Variants in MAGI2 observed in about 807,000 individuals in gnomAD.
The protein encoded by MAGI2 is membrane-associated guanylate kinase, WW and PDZ domain-containing protein 2.
A neutral mutation model predicts 133.3 loss-of-function variants in MAGI2; 35 were observed. The observed-to-expected ratio is 0.26, with a 90% CI of 0.20 to 0.35. The LOEUF (loss-of-function observed/expected upper bound fraction) is 0.35, where lower values mean the gene tolerates loss of function less well. MAGI2 is among the 10% of genes least tolerant of loss of function. The probability of loss-of-function intolerance (pLI) is 1.00; values close to 1 mark genes in which losing one functional copy is unlikely to be tolerated. For synonymous variants in MAGI2, 729 were observed against 710.6 expected, an observed-to-expected ratio of 1.03 and a Z score of -0.41; for missense variants, 1,636 against 1,863.4, an observed-to-expected ratio of 0.88 and a Z score of 2.25.
At chr7:79,259,106 C>A (rs146568922) in intron 1 of MAGI2, among the ~76,000 whole-genome samples, 1 of 152,296 alleles carries the variant, frequency 6.6e-6, no homozygotes, top group East Asian at 1.9e-4. Context: ...GACCACAGAC[C>A]AAACTTTGAA....
intron 21 of MAGI2, among the ~76,000 whole-genome samples, chr7:78,056,615 G>C (rs1812597232): frequency 6.6e-6 from 1 of 152,066 alleles, no homozygotes; most frequent in South Asian, 2.1e-4. Flanking sequence ...GAGCTGAATG[G>C]TGAGAACACA....
intron 1 of MAGI2, among the ~76,000 whole-genome samples, chr7:79,319,351 G>A (rs1838996943): frequency 6.6e-6 from 1 of 152,104 alleles, no homozygotes; most frequent in Admixed American, 6.6e-5. Context: ...TGCTTTTCAT[G>A]CTAATTGTCT....
intron 1 of MAGI2, among the ~76,000 whole-genome samples, chr7:79,174,818 A>T (rs1825948673): frequency 6.6e-6 from 1 of 151,994 alleles, no homozygotes; most frequent in South Asian, 2.1e-4. Context: ...ACAACAAAAA[A>T]GTAAATAATT....
chr7:79,364,835 C>T (rs1478659166), intron 1 of MAGI2, among the ~76,000 whole-genome samples: 2 of 151,448 alleles, frequency 1.3e-5, no homozygotes, highest in African/African-American at 4.8e-5. Context: ...GGAGAAAATC[C>T]TTGGGCAAAG....
At chr7:78,835,172 G>T (rs1258869723) in intron 2 of MAGI2, among the ~76,000 whole-genome samples, 1 of 152,098 alleles carries the variant, frequency 6.6e-6, no homozygotes, top group African/African-American at 2.4e-5. Flanking sequence ...TTCCAAAATG[G>T]CTGTGCCATT....
rs534733431 is a variant in MAGI2, at chr7:78,091,312, C to T, written c.3568-12227G>A. 5.3e-5 allele frequency among the ~76,000 whole-genome samples: 8 copies of T among 152,168 alleles called. No homozygotes were observed. The South Asian group carries it at 8.3e-4, about 16-fold the overall frequency. On this transcript the variant is annotated intron_variant, in intron 20 of 21. Transcript: ENST00000354212. ...TGAATGCTGCTATTAAAAGGGCTTG[C>T]GGGAGTGGGTTTGTCCTCTCTTGCC...
chr7:78,767,353 T>C (rs1825137700), intron 2 of MAGI2, among the ~76,000 whole-genome samples: 1 of 152,132 alleles, frequency 6.6e-6, no homozygotes, highest in African/African-American at 2.4e-5. Flanking sequence ...CACACTTTTT[T>C]TTTTTTTTAC....
intron 2 of MAGI2, among the ~76,000 whole-genome samples, chr7:78,956,702 A>G (rs1802407350): frequency 1.3e-5 from 2 of 152,194 alleles, no homozygotes; most frequent in African/African-American, 4.8e-5. Context: ...TAAAACAAAG[A>G]GCAGGGCATA....
intron 9 of MAGI2, among the ~76,000 whole-genome samples, chr7:78,318,384 A>G (rs1440182602): frequency 6.6e-6 from 1 of 152,196 alleles, no homozygotes; most frequent in Non-Finnish European, 1.5e-5. Flanking sequence ...GAGATTGAAG[A>G]GCAACTCAAT....
rs183422541 is a variant in MAGI2, at chr7:79,135,210, G to C, written c.302-128004C>G. Among the ~76,000 whole-genome samples, 421 of 124,350 alleles carry C rather than the reference G, an allele frequency of 3.4e-3. 1 individual carries two copies. The highest frequency in any genetic ancestry group is 5.7e-3 in the Non-Finnish European group (304 of 53,088). The allele number at this position is 124,350 out of a possible 152,430, so 81.6% of individuals were successfully genotyped here. A position where few individuals can be genotyped will look rare whatever the true frequency, so the allele number is the denominator to read the frequency against. ...CACAATTTTAGGTAAAGTTGAGTGA[G>C]ATAGTAAAAACTGTAGGAAAAAAAA... On this transcript the variant is annotated intron_variant, in intron 1 of 21. Transcript: ENST00000354212.
At chr7:79,055,026 C>G (rs367644178) in intron 1 of MAGI2, among the ~76,000 whole-genome samples, 1 of 152,082 alleles carries the variant, frequency 6.6e-6, no homozygotes, top group Non-Finnish European at 1.5e-5. Context: ...CTCCTGACCT[C>G]GAGGTGATCC....
chr7:79,003,295 G>A (rs1260255239), intron 2 of MAGI2, among the ~76,000 whole-genome samples: 2 of 152,152 alleles, frequency 1.3e-5, no homozygotes, highest in African/African-American at 4.8e-5. Flanking sequence ...TTTCCTTCCA[G>A]ATGTAGTTGG....
At chr7:78,609,228 C>A (rs1806160577) in intron 3 of MAGI2, among the ~76,000 whole-genome samples, 1 of 152,148 alleles carries the variant, frequency 6.6e-6, no homozygotes, top group African/African-American at 2.4e-5. Flanking sequence ...CACCCAGGAT[C>A]AATGCTTTGC....
chr7:78,185,614 C>T lies in MAGI2; in HGVS notation c.2311+15G>A. ...CGTTTTGTTCACAGAACTGTGAGTA[C>T]TGAACAATACTTGCCAGAGGAATCC... On this transcript the variant is annotated intron_variant, in intron 13 of 21. Transcript: ENST00000354212. The T allele has an allele frequency of 5.1e-6, 8 of 1,571,974 alleles. No homozygotes were observed. Among genetic ancestry groups the T allele is most frequent in the Non-Finnish European group, 6.9e-6 (8 of 1,151,798 alleles).
At chr7:78,106,502 C>T (rs190487928) in intron 20 of MAGI2, among the ~76,000 whole-genome samples, 9 of 152,234 alleles carry the variant, frequency 5.9e-5, no homozygotes, top group African/African-American at 2.2e-4. Flanking sequence ...CCTATCTCCC[C>T]ATCCTTACCA....
At chr7:78,743,068 G>A (rs942135065) in intron 2 of MAGI2, among the ~76,000 whole-genome samples, 1 of 152,198 alleles carries the variant, frequency 6.6e-6, no homozygotes, top group African/African-American at 2.4e-5. Context: ...CCAGCCAAGT[G>A]CTTCTCAAAA....
At chr7:78,459,710 G>A (rs1466819851) in intron 6 of MAGI2, among the ~76,000 whole-genome samples, 2 of 152,178 alleles carry the variant, frequency 1.3e-5, no homozygotes, top group African/African-American at 2.4e-5. Flanking sequence ...TATGCTGTAT[G>A]CAATCATTTT....
intron 1 of MAGI2, among the ~76,000 whole-genome samples, chr7:79,325,095 C>T (rs1010914663): frequency 4.6e-5 from 7 of 152,010 alleles, no homozygotes; most frequent in African/African-American, 9.7e-5. Flanking sequence ...AACATAAATA[C>T]GTCCTGGGAA....
chr7:79,178,999 TA>T, intron 1 of MAGI2, among the ~76,000 whole-genome samples: 1 of 151,914 alleles, frequency 6.6e-6, no homozygotes, highest in East Asian at 1.9e-4. Flanking sequence ...CAAATAATTT[TA>T]AAGCCTATTA....
Sources: gnomAD v4.1 joint callset for allele counts (sites outside exome capture counted in the v4.1 genomes callset) on GRCh38, gnomAD v4.1.1 for gene constraint, MANE v1.5 for transcripts, NCBI Gene and HGNC (gene_info 2026-07-23, HGNC 2026-07-21) for gene names.